The following ABCA1 variants were observed in gnomAD, a reference collection of about 807,000 sequenced individuals.
ABCA1 encodes phospholipid-transporting ATPase ABCA1.
In ABCA1, 133 loss-of-function variants were observed where a neutral mutation model predicts 262.5. That is an observed-to-expected ratio of 0.51 (90% CI 0.44 to 0.59). The LOEUF (loss-of-function observed/expected upper bound fraction) is 0.59, where lower values mean the gene tolerates loss of function less well. Ranked by LOEUF, ABCA1 falls within the 20% of genes least tolerant of loss-of-function variation. The pLI is 0.00. For synonymous variants in ABCA1, 1,022 were observed against 1,043.5 expected (o/e 0.98, Z 0.40); for missense variants, 2,452 against 2,777.5 (o/e 0.88, Z 2.63).
In ABCA1 at chr9:104,818,743, G is replaced by T. The variant is rs767569511; in HGVS notation, c.3382C>A (p.Leu1128Met). The T allele has an allele frequency of 1.2e-6, 2 of 1,613,948 alleles. No individual in the cohort carries two copies. Among genetic ancestry groups the T allele is most frequent in the South Asian group, 2.2e-5 (2 of 91,074 alleles). ...LKNQLGTGYYLTLVKKDVESS... is the reference protein window; with the variant it reads ...LKNQLGTGYYMTLVKKDVESS... ...TCCACATCTTTCTTGACCAAGGTCAGGTAGTAGCCTGTTCCCAGCTGGTTC... is the reference window on the plus strand; with the variant it reads ...TCCACATCTTTCTTGACCAAGGTCATGTAGTAGCCTGTTCCCAGCTGGTTC... Residue 1128 changes from leucine to methionine, a missense_variant, in exon 23 of 50, where the codon CTG becomes ATG. Coordinates refer to ENST00000374736, the MANE Select transcript of ABCA1 (RefSeq NM_005502.4).
intron 9 of ABCA1, among the ~76,000 whole-genome samples, chr9:104,839,963 G>A (rs1834217844): frequency 6.6e-6 from 1 of 152,174 alleles, no homozygotes. Context: ...TTGTCCTTCT[G>A]CCATTATCTC....
At chr9:104,796,288 C>T (rs1350919874) in intron 38 of ABCA1, 21 bp downstream of exon 38, 1 of 1,613,826 alleles carries the variant, frequency 6.2e-7, no homozygotes, top group Admixed American at 1.7e-5. Context: ...TGTGCAGCTC[C>T]CTCACTCAGA....
In ABCA1 at chr9:104,829,153, G is replaced by A. The variant is rs1213842312; in HGVS notation, c.1893-15C>T. 1.2e-5 allele frequency: 20 copies of A among 1,613,762 alleles called. No homozygotes were observed. Among genetic ancestry groups the A allele is most frequent in the Non-Finnish European group, 1.7e-5 (20 of 1,179,916 alleles). ...CCCGCAGAAAGCTGGAGGCCCCAAG[G>A]AAGGACAAGGGGAGAAAGAAAGACA... On this transcript the variant is annotated splice_polypyrimidine_tract_variant and intron_variant, in intron 14 of 49. Coordinates refer to ENST00000374736, the MANE Select transcript of ABCA1 (RefSeq NM_005502.4).
At chr9:104,851,593 G>A (rs1439296714) in intron 7 of ABCA1, among the ~76,000 whole-genome samples, 2 of 152,190 alleles carry the variant, frequency 1.3e-5, no homozygotes, top group Non-Finnish European at 2.9e-5. Context: ...CCCACTTAGA[G>A]GATGTTTCCT....
chr9:104,872,770 C>T (rs1022590135), intron 5 of ABCA1, among the ~76,000 whole-genome samples: 22 of 152,308 alleles, frequency 1.4e-4, no homozygotes, highest in African/African-American at 5.3e-4. Flanking sequence ...TTGCTCTTTG[C>T]CACCCACAGA....
Position 104,788,430 on chromosome 9 carries a change from C to G in ABCA1, c.6065G>C (p.Gly2022Ala). 6.2e-7 allele frequency: 1 copy of G among 1,614,100 alleles called. No homozygotes were observed. The highest frequency in any genetic ancestry group is 1.1e-5 in the South Asian group (1 of 91,084). The change falls in exon 45 of 50, where the codon GGC becomes GCC. Residue 2022 changes from glycine to alanine, a missense_variant. This residue lies in a region of ABCA1 where 752 missense variants were observed against 944.5 expected (regional missense o/e 0.80). Coordinates refer to ENST00000374736, the MANE Select transcript of ABCA1 (RefSeq NM_005502.4). ...LLRGVPEKEV[G>A]KVGEWAIRKL... ...GCTTTCAGGTGCCCACAGTACCTTG[C>G]CAACTTCTTTCTCTGGGACTCCTCT...
Position 104,858,673 on chromosome 9 carries a change from T to C in ABCA1, c.569A>G (p.His190Arg). 2 of 1,614,186 alleles carry C rather than the reference T, an allele frequency of 1.2e-6. No individual in the cohort carries two copies. The highest frequency in any genetic ancestry group is 1.7e-6 in the Non-Finnish European group (2 of 1,180,040). The change falls in exon 7 of 50, where the codon CAT becomes CGT. Residue 190 changes from histidine to arginine, a missense_variant. By Grantham distance (29) the His-to-Arg change is conservative. Transcript: ENST00000374736. Reference protein sequence around the residue: ...HKVFLQGYQLHLTSLCNGSKS... With the variant: ...HKVFLQGYQLRLTSLCNGSKS... ...TGATCCATTGCACAGACTTGTCAAA[T>C]GTAACTGGTAGCCTTGCAAAAATAC... is the stretch of plus-strand genomic sequence containing the variant.
chr9:104,898,732 C>T (rs754476505), intron 2 of ABCA1, among the ~76,000 whole-genome samples: 3 of 152,088 alleles, frequency 2.0e-5, no homozygotes, highest in Non-Finnish European at 4.4e-5. Context: ...ACCTAGGGGA[C>T]AGGCACCCCC....
intron 1 of ABCA1, among the ~76,000 whole-genome samples, chr9:104,907,351 G>A (rs931948713): frequency 4.6e-5 from 7 of 152,102 alleles, no homozygotes; most frequent in Middle Eastern, 6.9e-3. Flanking sequence ...CCCTTCCTAC[G>A]TGCTCCCTAG....
At chr9:104,797,864 G>A (rs1830032176) in intron 37 of ABCA1, among the ~76,000 whole-genome samples, 2 of 152,176 alleles carry the variant, frequency 1.3e-5, no homozygotes, top group South Asian at 4.1e-4. Flanking sequence ...AGAAGTTACA[G>A]GGAGATATAT....
In ABCA1 at chr9:104,860,755, CT is replaced by C. The variant is rs762423202; in HGVS notation, c.543+923del. On this transcript the variant is annotated intron_variant, in intron 6 of 49. Transcript: ENST00000374736. The stretch of plus-strand genomic sequence containing the variant: ...TATTATTTCCTGATTTTATAAAATT[CT>C]TTTTTTTTTTTTTTTTTTGAGATGG... 2.7e-3 allele frequency among the ~76,000 whole-genome samples: 317 copies of C among 115,834 alleles called. 1 individual carries two copies. Among genetic ancestry groups the C allele is most frequent in the Middle Eastern group, 5.1e-3 (1 of 196 alleles). 76.0% of individuals were successfully genotyped at this position (115,834 alleles called of 152,430 possible).
At chr9:104,809,328 G>T in intron 30 of ABCA1, 138 bp downstream of exon 30, 99 of 890,656 alleles carry the variant, frequency 1.1e-4, no homozygotes, top group African/African-American at 1.0e-4. Flanking sequence ...TTCGCTTTTT[G>T]TAAATAAAAC....
At chr9:104,869,309 CTGGGGTGGGGG>C (rs1264628835) in intron 5 of ABCA1, among the ~76,000 whole-genome samples, 8 of 142,460 alleles carry the variant, frequency 5.6e-5, no homozygotes, top group Non-Finnish European at 6.2e-5. Context: ...CAATGGACCC[CTGGGGTGGGGG>C]TGGGGTGGGG....
chr9:104,862,049 T>TACACACACACAC (rs35010837), intron 5 of ABCA1, among the ~76,000 whole-genome samples: 2 of 145,034 alleles, frequency 1.4e-5, no homozygotes, highest in Non-Finnish European at 3.0e-5. Flanking sequence ...ATGGTGCTGT[T>TACACACACACAC]ACACACACAC....
chr9:104,823,942 C>A (rs1832595881), intron 18 of ABCA1, among the ~76,000 whole-genome samples: 1 of 152,180 alleles, frequency 6.6e-6, no homozygotes, highest in Admixed American at 6.5e-5. Flanking sequence ...GCACAAAGAA[C>A]CCAGAAGGCA....
rs76658744 is a variant in ABCA1 at position 104,882,424 on chromosome 9, T to C, written c.421+615A>G. ...GCCAGGCCACTGCCTGGAAGGCTGC[T>C]CTGATGCTATGGCAGCCAATGCCTC... On this transcript the variant is annotated intron_variant, in intron 5 of 49. Transcript: ENST00000374736. Among the ~76,000 whole-genome samples the C allele has an allele frequency of 7.4e-3, 1,122 of 152,334 alleles. 7 individuals are homozygous for C. Among genetic ancestry groups the C allele is most frequent in the African/African-American group, 0.025 (1,034 of 41,566 alleles).
intron 2 of ABCA1, among the ~76,000 whole-genome samples, chr9:104,892,569 G>A (rs572160991): frequency 1.3e-5 from 2 of 152,108 alleles, no homozygotes; most frequent in African/African-American, 4.8e-5. Flanking sequence ...GTACACCAGG[G>A]ACCCTATTTA....
In ABCA1 at chr9:104,793,223, C is replaced by G; in HGVS notation, c.5584G>C (p.Val1862Leu). The G allele has an allele frequency of 4.3e-6, 7 of 1,614,046 alleles. No individual in the cohort carries two copies. The highest frequency in any genetic ancestry group is 5.9e-6 in the Non-Finnish European group (7 of 1,179,998). ...ATCAGAACAGTAATGAGGAAGAACA[C>G]CACCCCTTCCACGGCCATGGCGAAG... ...NLFAMAVEGV[V>L]FFLITVLIQY... The change falls in exon 41 of 50, where the codon GTG becomes CTG. Residue 1862 changes from valine (V) to leucine (L), a missense_variant. This residue lies in a region of ABCA1 where 752 missense variants were observed against 944.5 expected (regional missense o/e 0.80). Coordinates refer to ENST00000374736, the MANE Select transcript of ABCA1 (RefSeq NM_005502.4).
At chr9:104,888,198 C>A (rs1839379432) in intron 3 of ABCA1, among the ~76,000 whole-genome samples, 1 of 152,026 alleles carries the variant, frequency 6.6e-6, no homozygotes, top group Admixed American at 6.6e-5. Flanking sequence ...TAAAAGGTGG[C>A]CCTGGCCCCA....
Sources: gnomAD v4.1 joint callset for allele counts (sites outside exome capture counted in the v4.1 genomes callset) on GRCh38, gnomAD v4.1.1 for gene constraint, gnomAD v4.1.1 regional missense constraint, MANE v1.5 for transcripts, NCBI Gene and HGNC (gene_info 2026-07-23, HGNC 2026-07-21) for gene names.